CTNND2: variants seen among roughly 807,000 people sequenced by gnomAD.
The protein encoded by CTNND2 is catenin delta 2, also known as catenin delta-2.
CTNND2 carries 22 observed loss-of-function variants against 144.4 expected under a neutral mutation model. That is an observed-to-expected ratio of 0.15 (90% CI 0.11 to 0.22). CTNND2 has a LOEUF of 0.22. Among genes scored for constraint, CTNND2 ranks in the 10% least tolerant of loss-of-function variants. CTNND2 has a pLI of 1.00. For missense variants in CTNND2, 1,353 were observed against 1,618.8 expected, an observed-to-expected ratio of 0.84 and a Z score of 2.82; for synonymous variants, 751 against 695.6, an observed-to-expected ratio of 1.08 and a Z score of -1.25.
At chr5:11,512,338 G>T (rs1439364834) in intron 3 of CTNND2, among the ~76,000 whole-genome samples, 1 of 152,182 alleles carries the variant, frequency 6.6e-6, no homozygotes, top group Non-Finnish European at 1.5e-5. Flanking sequence ...TCTACACATT[G>T]CTGCTGGAAT....
chr5:11,458,362 C>A (rs917989807), intron 3 of CTNND2, among the ~76,000 whole-genome samples: 1 of 152,144 alleles, frequency 6.6e-6, no homozygotes, highest in Non-Finnish European at 1.5e-5. Flanking sequence ...GAAGTCCACA[C>A]CAGCTGATGG....
chr5:11,063,002 C>T (rs1179981245), intron 16 of CTNND2, among the ~76,000 whole-genome samples: 1 of 152,154 alleles, frequency 6.6e-6, no homozygotes, highest in East Asian at 1.9e-4. Context: ...GTTTCCAGTT[C>T]TTTACCTTCA....
At chr5:11,773,222 C>T (rs764286229) in intron 1 of CTNND2, among the ~76,000 whole-genome samples, 2 of 152,172 alleles carry the variant, frequency 1.3e-5, no homozygotes, top group Admixed American at 1.3e-4. Flanking sequence ...TGAATCCATA[C>T]AAATGAAATG....
At chr5:11,625,621 T>C (rs1781116512) in intron 2 of CTNND2, among the ~76,000 whole-genome samples, 1 of 152,160 alleles carries the variant, frequency 6.6e-6, no homozygotes, top group Admixed American at 6.6e-5. Flanking sequence ...TTGCAATTCA[T>C]CAAAATTACA....
chr5:11,305,897 G>A (rs1167302609), intron 9 of CTNND2, among the ~76,000 whole-genome samples: 2 of 152,196 alleles, frequency 1.3e-5, no homozygotes, highest in African/African-American at 2.4e-5. Context: ...AGGCCTTGCA[G>A]TGGAAACAAG....
intron 2 of CTNND2, among the ~76,000 whole-genome samples, chr5:11,669,330 A>G (rs983707566): frequency 1.3e-5 from 2 of 152,156 alleles, no homozygotes; most frequent in African/African-American, 4.8e-5. Flanking sequence ...TAGTTTCAGA[A>G]GGAATGGTAC....
intron 11 of CTNND2, among the ~76,000 whole-genome samples, chr5:11,178,636 G>T (rs762998101): frequency 3.9e-5 from 6 of 152,146 alleles, no homozygotes; most frequent in Admixed American, 1.3e-4. Flanking sequence ...GGAGGTCTGA[G>T]AAATTTGAGA....
chr5:11,205,436 A>G (rs1393311426), intron 10 of CTNND2, among the ~76,000 whole-genome samples: 1 of 152,214 alleles, frequency 6.6e-6, no homozygotes, highest in African/African-American at 2.4e-5. Flanking sequence ...GCTTTTTAAA[A>G]TGATATAATT....
intron 1 of CTNND2, among the ~76,000 whole-genome samples, chr5:11,778,579 C>G (rs865859995): frequency 3.3e-5 from 5 of 152,246 alleles, no homozygotes; most frequent in Middle Eastern, 3.4e-3. Context: ...GAGAGATATT[C>G]TACAATATAC....
chr5:11,586,981 G>A (rs1032948937), intron 2 of CTNND2, among the ~76,000 whole-genome samples: 5 of 151,870 alleles, frequency 3.3e-5, no homozygotes, highest in Admixed American at 6.6e-5. Flanking sequence ...ATTTATAGTC[G>A]GAAATATAAG....
chr5:11,230,832 G>T (rs1436656473), intron 10 of CTNND2, among the ~76,000 whole-genome samples: 1 of 152,150 alleles, frequency 6.6e-6, no homozygotes, highest in Admixed American at 6.5e-5. Flanking sequence ...TAAAGCTAAT[G>T]TCCTACCCTG....
intron 1 of CTNND2, among the ~76,000 whole-genome samples, chr5:11,746,254 A>T (rs1323703586): frequency 6.6e-6 from 1 of 152,142 alleles, no homozygotes; most frequent in Non-Finnish European, 1.5e-5. Context: ...AATTGAATTT[A>T]TCATCTTCCC....
chr5:11,762,355 G>T (rs10866484), intron 1 of CTNND2, among the ~76,000 whole-genome samples: 1 of 152,010 alleles, frequency 6.6e-6, no homozygotes, highest in East Asian at 1.9e-4. Context: ...GAATAGAAAC[G>T]TAAGTTTTGG....
At chr5:11,791,817 T>G (rs540048971) in intron 1 of CTNND2, among the ~76,000 whole-genome samples, 98 of 152,274 alleles carry the variant, frequency 6.4e-4, no homozygotes, top group African/African-American at 2.2e-3. Context: ...AATCTCAGTC[T>G]TCAGAATTTC....
intron 16 of CTNND2, among the ~76,000 whole-genome samples, chr5:11,046,997 C>G (rs544474217): frequency 6.6e-6 from 1 of 152,166 alleles, no homozygotes; most frequent in Non-Finnish European, 1.5e-5. Flanking sequence ...GCATAATCAC[C>G]AACATTATTG....
Position 11,357,326 on chromosome 5 carries a change from C to T in CTNND2, c.1372+7370G>A, listed in dbSNP as rs60277158. 9.0e-3 allele frequency among the ~76,000 whole-genome samples: 1,364 copies of T among 152,126 alleles called. 25 individuals carry two copies. Among genetic ancestry groups the T allele is most frequent in the African/African-American group, 0.03 (1,246 of 41,530 alleles). ...GGATAGAGAAAATGTAACACATATA[C>T]AAAACAGAATACTATTCAGACATTT... On this transcript the variant is annotated intron_variant, in intron 8 of 21. Coordinates refer to ENST00000304623, the MANE Select transcript of CTNND2 (RefSeq NM_001332.4).
intron 16 of CTNND2, among the ~76,000 whole-genome samples, chr5:11,028,629 T>G (rs1057137344): frequency 2.0e-5 from 3 of 152,218 alleles, no homozygotes; most frequent in African/African-American, 7.2e-5. Flanking sequence ...AAAGGATTTG[T>G]CTTTTTGTGA....
intron 1 of CTNND2, among the ~76,000 whole-genome samples, chr5:11,870,914 C>T (rs1313087306): frequency 6.6e-6 from 1 of 152,170 alleles, no homozygotes; most frequent in Non-Finnish European, 1.5e-5. Context: ...GTTTCTGCAA[C>T]AGAATGAAGG....
chr5:11,771,949 GT>G (rs1408130840), intron 1 of CTNND2, among the ~76,000 whole-genome samples: 3 of 152,184 alleles, frequency 2.0e-5, no homozygotes, highest in African/African-American at 7.2e-5. Flanking sequence ...GAAAAGCCAT[GT>G]TAGGTACTAG....
Sources: allele counts gnomAD v4.1 joint callset (sites outside exome capture counted in the v4.1 genomes callset), GRCh38; gene constraint gnomAD v4.1.1; transcripts MANE v1.5; gene names NCBI Gene and HGNC (gene_info 2026-07-23, HGNC 2026-07-21).